Variants in NRXN3 observed in about 807,000 individuals in gnomAD.
NRXN3 encodes the protein neurexin 3.
Under a neutral mutation model 137.6 loss-of-function variants are expected in NRXN3, and 32 were observed. The observed-to-expected ratio is 0.23, with a 90% CI of 0.18 to 0.31. NRXN3 has a LOEUF of 0.31. Among genes scored for constraint, NRXN3 ranks in the 10% least tolerant of loss-of-function variants. The pLI is 1.00. For missense variants in NRXN3, 1,574 were observed against 2,062.5 expected, an observed-to-expected ratio of 0.76 and a Z score of 4.59; for synonymous variants, 798 against 784.5, an observed-to-expected ratio of 1.02 and a Z score of -0.29.
At position 78,851,319 on chromosome 14, in the gene NRXN3, T is replaced by G. The variant is rs554577713; in HGVS notation, c.2275+40975T>G. Reference sequence around the variant, plus strand: ...ACTCCCTCCCTGGTGAAATTCAAGATGCCAATGGGATGTCACTGAACTTGA... The same window carrying G: ...ACTCCCTCCCTGGTGAAATTCAAGAGGCCAATGGGATGTCACTGAACTTGA... On this transcript the variant is annotated intron_variant, in intron 10 of 20. Coordinates refer to ENST00000335750, the MANE Select transcript of NRXN3 (RefSeq NM_001330195.2). Among the ~76,000 whole-genome samples, 8 of 152,294 alleles carry G rather than the reference T, an allele frequency of 5.3e-5. No individual in the cohort carries two copies. The South Asian group carries it at 1.7e-3, about 32-fold the overall frequency.
chr14:79,153,655 A>G (rs865866957), intron 15 of NRXN3, among the ~76,000 whole-genome samples: 1 of 152,002 alleles, frequency 6.6e-6, no homozygotes, highest in Non-Finnish European at 1.5e-5. Context: ...TCAGGAGAAC[A>G]TACAGCTAAA....
At chr14:78,666,819 A>G (rs868001236) in intron 6 of NRXN3, among the ~76,000 whole-genome samples, 17 of 151,856 alleles carry the variant, frequency 1.1e-4, no homozygotes, top group Admixed American at 2.0e-4. Context: ...TCTTTGTGCC[A>G]TTCTTTGGAA....
rs138180574 is a variant in NRXN3, at chr14:79,548,116, C to T, written c.3444+80714C>T. On this transcript the variant is annotated intron_variant, in intron 16 of 20. Transcript: ENST00000335750. ...GGTTTGTTACATAGGTATACATATG[C>T]CATGGTGGTTTGCTGCACTCATCAA... Among the ~76,000 whole-genome samples the T allele has an allele frequency of 0.015, 2,288 of 152,056 alleles. 163 individuals carry two copies. The East Asian group carries it at 0.24, about 16-fold the overall frequency.
chr14:78,731,399 A>G (rs1030360584), intron 8 of NRXN3, among the ~76,000 whole-genome samples: 1 of 152,078 alleles, frequency 6.6e-6, no homozygotes, highest in African/African-American at 2.4e-5. Flanking sequence ...ACTGTAGAAA[A>G]TTTGGCACAT....
chr14:79,721,930 G>A (rs1200662698), intron 19 of NRXN3, among the ~76,000 whole-genome samples: 2 of 152,038 alleles, frequency 1.3e-5, no homozygotes, highest in Non-Finnish European at 2.9e-5. Flanking sequence ...CTAGGATTTA[G>A]CACATTAAAA....
chr14:78,415,827 A>C (rs2093105404), intron 4 of NRXN3, among the ~76,000 whole-genome samples: 1 of 152,130 alleles, frequency 6.6e-6, no homozygotes, highest in East Asian at 1.9e-4. Flanking sequence ...GCATGCATGC[A>C]CCAAGGAAGG....
At chr14:78,302,233 G>A (rs1443196690) in intron 4 of NRXN3, among the ~76,000 whole-genome samples, 3 of 151,886 alleles carry the variant, frequency 2.0e-5, no homozygotes, top group Non-Finnish European at 1.5e-5. Flanking sequence ...TGTTTTGAGT[G>A]TTTTTTAGAT....
At chr14:79,695,650 A>C (rs1031000000) in intron 18 of NRXN3, among the ~76,000 whole-genome samples, 3 of 151,844 alleles carry the variant, frequency 2.0e-5, no homozygotes, top group African/African-American at 4.8e-5. Context: ...AAAAAAAAAA[A>C]AAAAACTGTC....
chr14:78,412,688 G>A (rs759539438), intron 4 of NRXN3, among the ~76,000 whole-genome samples: 3 of 152,176 alleles, frequency 2.0e-5, no homozygotes, highest in Admixed American at 6.5e-5. Flanking sequence ...TTCAGAGCTT[G>A]AGCTCTTAAC....
intron 4 of NRXN3, among the ~76,000 whole-genome samples, chr14:78,410,075 T>C (rs2092733182): frequency 6.6e-6 from 1 of 152,222 alleles, no homozygotes; most frequent in Non-Finnish European, 1.5e-5. Context: ...TAACAGTTAC[T>C]TTTCTGAATT....
At position 79,385,989 on chromosome 14, in the gene NRXN3, C is replaced by A. The variant is rs139256373; in HGVS notation, c.3263-81232C>A. On this transcript the variant is annotated intron_variant, in intron 15 of 20. Coordinates refer to ENST00000335750, the MANE Select transcript of NRXN3 (RefSeq NM_001330195.2). ...AGAGCTATCTATGGCAAACCCACAGCCAATATCATACTGAATGGGCAAAAA... is the reference window on the plus strand; with the variant it reads ...AGAGCTATCTATGGCAAACCCACAGACAATATCATACTGAATGGGCAAAAA... 5.1e-3 allele frequency among the ~76,000 whole-genome samples: 780 copies of A among 152,224 alleles called. 3 individuals carry two copies. Among genetic ancestry groups the A allele is most frequent in the Non-Finnish European group, 9.2e-3 (627 of 68,014 alleles).
At chr14:78,773,028 C>T (rs1030002649) in intron 8 of NRXN3, among the ~76,000 whole-genome samples, 5 of 152,078 alleles carry the variant, frequency 3.3e-5, no homozygotes, top group Admixed American at 2.0e-4. Flanking sequence ...CATAAAGTCC[C>T]GATTGGCTCA....
At chr14:79,150,886 C>T (rs2059740510) in intron 15 of NRXN3, among the ~76,000 whole-genome samples, 1 of 152,000 alleles carries the variant, frequency 6.6e-6, no homozygotes, top group Non-Finnish European at 1.5e-5. Flanking sequence ...TTGGAGCCAG[C>T]AATTCAGCAG....
chr14:78,466,237 C>T (rs1262395995), intron 4 of NRXN3, among the ~76,000 whole-genome samples: 1 of 152,126 alleles, frequency 6.6e-6, no homozygotes. Context: ...TAAAAAGTAA[C>T]AATAGAATCA....
intron 10 of NRXN3, among the ~76,000 whole-genome samples, chr14:78,882,187 G>C (rs2099130928): frequency 6.6e-6 from 1 of 151,870 alleles, no homozygotes; most frequent in Admixed American, 6.5e-5. Flanking sequence ...GTCTGCTGCA[G>C]GGGCAGAGCC....
At chr14:78,177,947 T>C (rs1003330023) in intron 1 of NRXN3, 2 of 152,338 alleles carry the variant, frequency 1.3e-5, no homozygotes, top group East Asian at 1.9e-4. Flanking sequence ...AAAGCTTCGA[T>C]TGGCCAATAT....
intron 15 of NRXN3, among the ~76,000 whole-genome samples, chr14:79,127,814 A>G (rs544644655): frequency 2.5e-4 from 38 of 152,202 alleles, no homozygotes; most frequent in African/African-American, 8.7e-4. Context: ...ATGAGCATGG[A>G]ATGTTCTTCC....
chr14:78,736,171 T>C (rs1390540223), intron 8 of NRXN3, among the ~76,000 whole-genome samples: 1 of 152,160 alleles, frequency 6.6e-6, no homozygotes, highest in Admixed American at 6.5e-5. Context: ...AGATGTCAAT[T>C]TGAAATTTAA....
intron 19 of NRXN3, among the ~76,000 whole-genome samples, chr14:79,748,122 G>T (rs757301140): frequency 2.0e-5 from 3 of 151,980 alleles, no homozygotes; most frequent in Non-Finnish European, 4.4e-5. Context: ...GTTGATAGCT[G>T]CAACAAATCA....
Sources: gnomAD v4.1 joint callset for allele counts (sites outside exome capture counted in the v4.1 genomes callset) on GRCh38, gnomAD v4.1.1 for gene constraint, MANE v1.5 for transcripts, NCBI Gene and HGNC (gene_info 2026-07-23, HGNC 2026-07-21) for gene names.